The following RPS6KC1 variants were observed in gnomAD, a reference collection of about 807,000 sequenced individuals.
The protein encoded by RPS6KC1 is ribosomal protein S6 kinase C1.
A neutral mutation model predicts 103.8 loss-of-function variants in RPS6KC1; 54 were observed. That is an observed-to-expected ratio of 0.52 (90% CI 0.42 to 0.65). The LOEUF (loss-of-function observed/expected upper bound fraction) is 0.65. Ranked by LOEUF, RPS6KC1 falls within the 30% of genes least tolerant of loss-of-function variation. The pLI is 0.00. For missense variants in RPS6KC1, 1,151 were observed against 1,253.8 expected (o/e 0.92, Z 1.24); for synonymous variants, 439 against 438.7 (o/e 1.00, Z -0.01).
the RPS6KC1 span, among the ~76,000 whole-genome samples, chr1:213,702,978 G>A: frequency 6.6e-6 from 1 of 151,518 alleles, no homozygotes; most frequent in African/African-American, 2.4e-5. Context: ...TTTGTTATTT[G>A]TTTCCTGGTT....
At chr1:213,456,540 C>A in the RPS6KC1 span, among the ~76,000 whole-genome samples, 1 of 152,158 alleles carries the variant, frequency 6.6e-6, no homozygotes, top group Non-Finnish European at 1.5e-5. Flanking sequence ...CACTTATACC[C>A]TACTCTTATC....
chr1:213,230,589 CT>C (rs773949374), intron 9 of RPS6KC1, 45 bp downstream of exon 9: 1 of 1,457,794 alleles, frequency 6.9e-7, no homozygotes, highest in East Asian at 2.3e-5. Flanking sequence ...AATTCCAGCA[CT>C]TTGGGAGACT....
intron 5 of RPS6KC1, among the ~76,000 whole-genome samples, chr1:213,124,454 T>C (rs1204258082): frequency 2.6e-5 from 4 of 152,176 alleles, no homozygotes; most frequent in Non-Finnish European, 5.9e-5. Context: ...CCCTATATCT[T>C]TCTTGTTAAC....
At chr1:213,560,343 T>C in the RPS6KC1 span, among the ~76,000 whole-genome samples, 2 of 152,188 alleles carry the variant, frequency 1.3e-5, no homozygotes, top group African/African-American at 4.8e-5. Flanking sequence ...ATTTAAAATA[T>C]GGCAGAGATT....
chr1:213,083,246 G>A (rs928390314), intron 3 of RPS6KC1, among the ~76,000 whole-genome samples: 1 of 152,196 alleles, frequency 6.6e-6, no homozygotes, highest in Non-Finnish European at 1.5e-5. Flanking sequence ...GTTTTTCACC[G>A]AAAAGGAGGT....
chr1:213,463,407 A>G, the RPS6KC1 span, among the ~76,000 whole-genome samples: 1 of 152,152 alleles, frequency 6.6e-6, no homozygotes, highest in South Asian at 2.1e-4. Context: ...TTAAAATTAA[A>G]CTTTCTATTT....
chr1:213,846,770 A>G, the RPS6KC1 span, among the ~76,000 whole-genome samples: 12 of 152,196 alleles, frequency 7.9e-5, no homozygotes, highest in Non-Finnish European at 4.4e-5. Context: ...GGAATCTTTC[A>G]ATCGTCTCAA....
the RPS6KC1 span, among the ~76,000 whole-genome samples, chr1:213,784,377 G>A: frequency 1.3e-5 from 2 of 152,192 alleles, no homozygotes; most frequent in African/African-American, 2.4e-5. Context: ...AGGAACCTTA[G>A]AGATTACCCA....
chr1:213,660,138 G>T, the RPS6KC1 span, among the ~76,000 whole-genome samples: 1 of 152,200 alleles, frequency 6.6e-6, no homozygotes, highest in Non-Finnish European at 1.5e-5. Flanking sequence ...GGCTACAGGA[G>T]CCCCTAAAGC....
the RPS6KC1 span, among the ~76,000 whole-genome samples, chr1:213,643,357 T>A: frequency 6.6e-6 from 1 of 151,888 alleles, no homozygotes; most frequent in Non-Finnish European, 1.5e-5. Context: ...AGGTTTTGCA[T>A]ACACCTTATA....
the RPS6KC1 span, among the ~76,000 whole-genome samples, chr1:213,512,025 G>A: frequency 6.6e-6 from 1 of 152,198 alleles, no homozygotes; most frequent in African/African-American, 2.4e-5. Flanking sequence ...AAATGAGCAT[G>A]TGAGGCCTTG....
the RPS6KC1 span, among the ~76,000 whole-genome samples, chr1:213,511,335 G>A: frequency 4.6e-5 from 7 of 152,256 alleles, no homozygotes; most frequent in East Asian, 1.4e-3. Flanking sequence ...TGCCCCCACG[G>A]CCCTGCTCTG....
At chr1:213,495,026 G>T in the RPS6KC1 span, among the ~76,000 whole-genome samples, 1 of 152,340 alleles carries the variant, frequency 6.6e-6, no homozygotes, top group East Asian at 1.9e-4. Context: ...AAGGGGAATA[G>T]TTGTGATCAA....
rs143360296 is a variant in RPS6KC1 at position 213,183,924 on chromosome 1, A to G, written c.1044+7432A>G. 3.3e-5 allele frequency among the ~76,000 whole-genome samples: 5 copies of G among 152,316 alleles called. No individual in the cohort carries two copies. In the East Asian group the frequency reaches 9.6e-4, roughly 29 times the overall value. ...AATACACCAATTATTACTGTCAGGA[A>G]TGAAACAGGTATGGATCTTGCCTAC... On this transcript the variant is annotated intron_variant, in intron 8 of 14. Coordinates refer to ENST00000366960, the MANE Select transcript of RPS6KC1 (RefSeq NM_012424.6).
the RPS6KC1 span, among the ~76,000 whole-genome samples, chr1:213,506,869 G>A: frequency 6.6e-6 from 1 of 152,186 alleles, no homozygotes; most frequent in Non-Finnish European, 1.5e-5. Flanking sequence ...GATAATAGAT[G>A]TCTGGCTTGG....
At chr1:213,559,441 A>G in the RPS6KC1 span, among the ~76,000 whole-genome samples, 5 of 152,236 alleles carry the variant, frequency 3.3e-5, no homozygotes, top group Non-Finnish European at 5.9e-5. Context: ...TTAAGTGCAT[A>G]CAGAAGTCAG....
At chr1:213,395,612 G>A in the RPS6KC1 span, among the ~76,000 whole-genome samples, 1 of 152,146 alleles carries the variant, frequency 6.6e-6, no homozygotes, top group African/African-American at 2.4e-5. Flanking sequence ...GGGGAAAAAG[G>A]CCCCAGTTTG....
the RPS6KC1 span, among the ~76,000 whole-genome samples, chr1:213,374,318 C>A: frequency 2.0e-5 from 3 of 152,214 alleles, no homozygotes; most frequent in South Asian, 2.1e-4. Flanking sequence ...TCCACTAAAG[C>A]AAACTGATAA....
At chr1:213,519,424 G>C in the RPS6KC1 span, among the ~76,000 whole-genome samples, 1 of 152,136 alleles carries the variant, frequency 6.6e-6, no homozygotes, top group Non-Finnish European at 1.5e-5. Flanking sequence ...CAGATTCACT[G>C]GGGGGAAAAG....
Sources: allele counts gnomAD v4.1 joint callset (sites outside exome capture counted in the v4.1 genomes callset), GRCh38; gene constraint gnomAD v4.1.1; transcripts MANE v1.5; gene names NCBI Gene and HGNC (gene_info 2026-07-23, HGNC 2026-07-21).